Variants in FAM24B observed in about 807,000 individuals in gnomAD.
FAM24B encodes the protein family with sequence similarity 24 member B, also known as protein FAM24B.
A neutral mutation model predicts 2.3 loss-of-function variants in FAM24B; 3 were observed. The observed-to-expected ratio is 1.29, with a 90% CI of 0.59 to 3.32. The LOEUF is 3.32. Among genes scored for constraint, FAM24B ranks in the 30% most tolerant of loss-of-function variants. The pLI, the probability that FAM24B is intolerant of heterozygous loss-of-function variation, is 0.03. For missense variants in FAM24B, 98 were observed against 117.2 expected (o/e 0.84, Z 0.76); for synonymous variants, 36 against 46.3 (o/e 0.78, Z 0.90).
intron 1 of FAM24B, among the ~76,000 whole-genome samples, chr10:122,858,041 T>G (rs1847666560): frequency 6.6e-6 from 1 of 152,148 alleles, no homozygotes; most frequent in South Asian, 2.1e-4. Context: ...GACCCAGCCA[T>G]CCCATTACTG....
intron 1 of FAM24B, among the ~76,000 whole-genome samples, chr10:122,866,831 C>T (rs138943048): frequency 3.5e-4 from 53 of 152,188 alleles, no homozygotes; most frequent in Non-Finnish European, 5.9e-4. Context: ...ACAATTAATA[C>T]CCCTACAATG....
chr10:122,872,746 T>C (rs1403486573), intron 1 of FAM24B, among the ~76,000 whole-genome samples: 10 of 150,274 alleles, frequency 6.7e-5, no homozygotes, highest in East Asian at 2.0e-4. Context: ...TGAGAACACA[T>C]GGACACAGGA....
chr10:122,871,249 AAGG>A (rs1847894033), intron 1 of FAM24B, among the ~76,000 whole-genome samples: 1 of 152,028 alleles, frequency 6.6e-6, no homozygotes, highest in South Asian at 2.1e-4. Flanking sequence ...GGACCTCTTC[AAGG>A]AGAACTACAA....
intron 3 of FAM24B, 108 bp from the exon 4 acceptor site, chr10:122,849,547 C>T (rs1349034958): frequency 1.1e-6 from 1 of 917,848 alleles, no homozygotes; most frequent in Middle Eastern, 2.3e-4. Context: ...GCCAGTCAAA[C>T]ATGAACACCA....
intron 1 of FAM24B, 137 bp downstream of exon 1, chr10:122,879,347 CG>C (rs1461258958): frequency 6.6e-6 from 1 of 152,262 alleles, no homozygotes; most frequent in Non-Finnish European, 1.5e-5. Context: ...GAATGGACAG[CG>C]CTTCCGCCGC....
At chr10:122,862,616 AC>A (rs1264269334) in intron 1 of FAM24B, among the ~76,000 whole-genome samples, 1 of 152,112 alleles carries the variant, frequency 6.6e-6, no homozygotes, top group Admixed American at 6.5e-5. Flanking sequence ...GTTTTCAGGG[AC>A]TTTTCAGCCA....
intron 1 of FAM24B, among the ~76,000 whole-genome samples, chr10:122,871,001 T>C (rs985508821): frequency 2.6e-5 from 4 of 152,214 alleles, no homozygotes; most frequent in African/African-American, 9.7e-5. Flanking sequence ...AAATTGTCCC[T>C]GTTTGCAGAG....
intron 1 of FAM24B, among the ~76,000 whole-genome samples, chr10:122,858,926 C>A (rs550609542): frequency 1.1e-4 from 17 of 152,296 alleles, no homozygotes; most frequent in African/African-American, 3.6e-4. Flanking sequence ...AGGGATCTGA[C>A]AATATATTAA....
At position 122,875,749 on chromosome 10, in the gene FAM24B, T is replaced by TA. The variant is rs77605078; in HGVS notation, c.-178+3735dup. Among the ~76,000 whole-genome samples the TA allele has an allele frequency of 3.1e-4, 46 of 149,678 alleles. 1 individual carries two copies. The highest frequency in any genetic ancestry group is 1.9e-3 in the South Asian group (9 of 4,708). On this transcript the variant is annotated intron_variant, in intron 1 of 3. Coordinates refer to ENST00000368898, the MANE Select transcript of FAM24B (RefSeq NM_152644.3). ...CACTAGGGAAAGGCAGTCTCCTAAT[T>TA]AAAAAAAAAAACCCTGAAACTGGTG...
chr10:122,869,083 A>C (rs899876479), intron 1 of FAM24B, among the ~76,000 whole-genome samples: 4 of 152,278 alleles, frequency 2.6e-5, no homozygotes, highest in Admixed American at 6.5e-5. Flanking sequence ...AAAGGGATGG[A>C]GGAAGATCTA....
chr10:122,879,285 A>G (rs1011516114), intron 1 of FAM24B, among the ~76,000 whole-genome samples, 200 bp downstream of exon 1: 1 of 152,178 alleles, frequency 6.6e-6, no homozygotes, highest in Non-Finnish European at 1.5e-5. Context: ...CTCCCCTCTA[A>G]CGCGAGAATG....
chr10:122,872,110 C>G (rs1389773716), intron 1 of FAM24B, among the ~76,000 whole-genome samples: 1 of 152,140 alleles, frequency 6.6e-6, no homozygotes, highest in Non-Finnish European at 1.5e-5. Flanking sequence ...ACAACCCTAT[C>G]AAAAAGTGGG....
chr10:122,871,542 C>T (rs1034634082), intron 1 of FAM24B, among the ~76,000 whole-genome samples: 15 of 151,510 alleles, frequency 9.9e-5, no homozygotes, highest in African/African-American at 3.6e-4. Context: ...AACTATACTA[C>T]AGGGCTACAG....
At chr10:122,857,392 G>C (rs1037391493) in intron 1 of FAM24B, among the ~76,000 whole-genome samples, 2 of 152,096 alleles carry the variant, frequency 1.3e-5, no homozygotes, top group Admixed American at 6.5e-5. Context: ...CTTATAAAAG[G>C]GAACCATTTT....
chr10:122,860,352 C>T (rs182141801), intron 1 of FAM24B, among the ~76,000 whole-genome samples: 1 of 152,208 alleles, frequency 6.6e-6, no homozygotes, highest in Admixed American at 6.5e-5. Flanking sequence ...ATTTGTATAT[C>T]GATAGTTTTT....
At chr10:122,869,541 A>T (rs372849628) in intron 1 of FAM24B, among the ~76,000 whole-genome samples, 58 of 152,074 alleles carry the variant, frequency 3.8e-4, no homozygotes, top group African/African-American at 1.3e-3. Context: ...GAAGTAAAGC[A>T]CTCCTCAGCA....
chr10:122,868,104 G>A (rs539803631), intron 1 of FAM24B, among the ~76,000 whole-genome samples: 1 of 152,318 alleles, frequency 6.6e-6, no homozygotes, highest in East Asian at 1.9e-4. Flanking sequence ...TAAAGGACCT[G>A]ATGGAGATGA....
At chr10:122,876,993 A>G (rs781421625) in intron 1 of FAM24B, among the ~76,000 whole-genome samples, 8 of 152,236 alleles carry the variant, frequency 5.3e-5, no homozygotes, top group Non-Finnish European at 8.8e-5. Flanking sequence ...TCTACTCTAA[A>G]TTCTACAAGT....
intron 1 of FAM24B, among the ~76,000 whole-genome samples, chr10:122,865,094 C>T (rs1260267704): frequency 6.6e-6 from 1 of 152,176 alleles, no homozygotes; most frequent in African/African-American, 2.4e-5. Context: ...AGTCCAACTG[C>T]TGAGTCATTA....
Sources: allele counts gnomAD v4.1 joint callset (sites outside exome capture counted in the v4.1 genomes callset), GRCh38; gene constraint gnomAD v4.1.1; transcripts MANE v1.5; gene names NCBI Gene and HGNC (gene_info 2026-07-23, HGNC 2026-07-21).